The following CHSY1 variants were observed in gnomAD, a reference collection of about 807,000 sequenced individuals.
The protein encoded by CHSY1 is N-acetylgalactosaminyl-proteoglycan 3-beta-glucuronosyltransferase 1.
CHSY1 carries 13 observed loss-of-function variants against 59.8 expected under a neutral mutation model. That is an observed-to-expected ratio of 0.22 (90% CI 0.14 to 0.35). The LOEUF is 0.35. Ranked by LOEUF, CHSY1 falls within the 10% of genes least tolerant of loss-of-function variation. The probability of loss-of-function intolerance (pLI) is 1.00; values close to 1 mark genes in which losing one functional copy is unlikely to be tolerated. For missense variants in CHSY1, 947 were observed against 1,030.6 expected, an observed-to-expected ratio of 0.92 and a Z score of 1.11; for synonymous variants, 459 against 401.2, an observed-to-expected ratio of 1.14 and a Z score of -1.72.
At chr15:101,179,019 G>A (rs1469525673) in intron 2 of CHSY1, 39 bp from the exon 3 acceptor site, 3 of 1,581,758 alleles carry the variant, frequency 1.9e-6, no homozygotes, top group Non-Finnish European at 2.6e-6. Flanking sequence ...ATTTAGTATT[G>A]TATGATTGAG....
intron 1 of CHSY1, among the ~76,000 whole-genome samples, chr15:101,240,264 G>C (rs112043416): frequency 6.6e-6 from 1 of 152,162 alleles, no homozygotes; most frequent in Non-Finnish European, 1.5e-5. Flanking sequence ...CATAAATCGT[G>C]ATTCACCACC....
chr15:101,183,114 A>C (rs984803696), intron 2 of CHSY1, among the ~76,000 whole-genome samples: 5 of 152,180 alleles, frequency 3.3e-5, no homozygotes, highest in Non-Finnish European at 7.3e-5. Context: ...TTTGAAGATA[A>C]AACTGAAGAA....
intron 2 of CHSY1, among the ~76,000 whole-genome samples, chr15:101,208,307 A>G (rs2038647918): frequency 6.6e-6 from 1 of 152,164 alleles, no homozygotes; most frequent in Non-Finnish European, 1.5e-5. Flanking sequence ...AAAGAACCAG[A>G]GACTCTTCGA....
At position 101,177,595 on chromosome 15, in the gene CHSY1, C is replaced by T. The variant is rs145704934; in HGVS notation, c.2202G>A (p.Thr734=). The change falls in exon 3 of 3, where the codon ACG becomes ACA. Residue 734 remains threonine (T), a synonymous_variant. Coordinates refer to ENST00000254190, the MANE Select transcript of CHSY1 (RefSeq NM_014918.5). ...FNKVVQAGLK[T]FRSQEVGVVH... is the part of the protein sequence containing the mutation. ...CTACTCCTACTTCCTGGCTCCTAAA[C>T]GTCTTCAAACCTGCCTGGACAACCT... 1.2e-4 allele frequency: 196 copies of T among 1,614,192 alleles called. No homozygotes were observed. The African/African-American group carries it at 2.3e-3, about 19-fold the overall frequency.
At chr15:101,249,186 T>G (rs1392026481) in intron 1 of CHSY1, among the ~76,000 whole-genome samples, 1 of 151,962 alleles carries the variant, frequency 6.6e-6, no homozygotes, top group African/African-American at 2.4e-5. Context: ...GAAAATGTAT[T>G]TGGTTCAGGG....
intron 2 of CHSY1, among the ~76,000 whole-genome samples, chr15:101,190,446 C>G (rs1184977460): frequency 6.6e-6 from 1 of 152,104 alleles, no homozygotes; most frequent in Non-Finnish European, 1.5e-5. Context: ...GAAGATGAAA[C>G]GAGACACAGA....
intron 2 of CHSY1, among the ~76,000 whole-genome samples, chr15:101,216,355 C>T (rs950643616): frequency 6.6e-6 from 1 of 152,222 alleles, no homozygotes; most frequent in African/African-American, 2.4e-5. Context: ...CAAAGCTAAA[C>T]ATAGTCTTAT....
At position 101,177,646 on chromosome 15, in the gene CHSY1, C is replaced by A; in HGVS notation, c.2151G>T (p.Gly717=). ...GGFDVSIQGW[G]LEDVDLFNKV... is the part of the protein sequence containing the mutation. Reference sequence around the variant, plus strand: ...TGTTGAAAAGGTCCACATCCTCCAGCCCCCAGCCTTGGATGGAAACATCAA... The same window carrying A: ...TGTTGAAAAGGTCCACATCCTCCAGACCCCAGCCTTGGATGGAAACATCAA... The change falls in exon 3 of 3, where the codon GGG becomes GGT. Residue 717 remains glycine, a synonymous_variant. Transcript: ENST00000254190. The A allele has an allele frequency of 6.2e-7, 1 of 1,614,176 alleles. No homozygotes were observed. Among genetic ancestry groups the A allele is most frequent in the Non-Finnish European group, 8.5e-7 (1 of 1,180,030 alleles).
chr15:101,234,960 A>G, intron 2 of CHSY1, 122 bp downstream of exon 2: 1 of 1,293,940 alleles, frequency 7.7e-7, no homozygotes, highest in Non-Finnish European at 1.1e-6. Flanking sequence ...CTAAAAATGT[A>G]GAATAATACC....
intron 1 of CHSY1, among the ~76,000 whole-genome samples, chr15:101,248,996 G>A (rs1276247952): frequency 6.7e-6 from 1 of 149,290 alleles, no homozygotes; most frequent in Non-Finnish European, 1.5e-5. Context: ...GTAGAGATGG[G>A]GTTTCACCGT....
At chr15:101,179,476 A>T (rs910099647) in intron 2 of CHSY1, among the ~76,000 whole-genome samples, 7 of 152,208 alleles carry the variant, frequency 4.6e-5, no homozygotes, top group African/African-American at 1.7e-4. Flanking sequence ...CAGGGAGCTA[A>T]GGGAAGGGAA....
chr15:101,178,896 T>C lies in CHSY1; in HGVS notation c.901A>G (p.Ile301Val). The change falls in exon 3 of 3, where the codon ATC (isoleucine) becomes GTC (valine). Residue 301 changes from isoleucine to valine, a missense_variant. Ile to Val is a conservative substitution (Grantham distance 29, BLOSUM62 3). This residue lies in a region of CHSY1 where 602 missense variants were observed against 676.9 expected (regional missense o/e 0.89). Coordinates refer to ENST00000254190, the MANE Select transcript of CHSY1 (RefSeq NM_014918.5). ...GGGTTTTTGTTGGGGTGTAATGTGA[T>C]AGCTTGGTGAATTTTACTGTTATGG... ...DLHNSKIHQA[I>V]TLHPNKNPPY... is the part of the protein sequence containing the mutation. The C allele has an allele frequency of 1.9e-6, 3 of 1,614,184 alleles. No homozygotes were observed. The highest frequency in any genetic ancestry group is 2.2e-5 in the East Asian group (1 of 44,874).
At chr15:101,235,810 CTAAG>C (rs1277934741) in intron 1 of CHSY1, among the ~76,000 whole-genome samples, 1 of 152,082 alleles carries the variant, frequency 6.6e-6, no homozygotes, top group Non-Finnish European at 1.5e-5. Context: ...TCTGGGATAA[CTAAG>C]TTTTAGTTAT....
chr15:101,250,502 T>C (rs1428787818), intron 1 of CHSY1, among the ~76,000 whole-genome samples: 1 of 152,210 alleles, frequency 6.6e-6, no homozygotes, highest in Non-Finnish European at 1.5e-5. Context: ...ACCACCAAGC[T>C]GAACTAATTA....
At position 101,246,561 on chromosome 15, in the gene CHSY1, C is replaced by T. The variant is rs942105882; in HGVS notation, c.320+4576G>A. ...GCACAAGAACAGACAGAAAGTTCAA[C>T]GGAACAAAACATGAAGTCCAGAAAC... On this transcript the variant is annotated intron_variant, in intron 1 of 2. Transcript: ENST00000254190. Among the ~76,000 whole-genome samples, 4 of 152,126 alleles carry T rather than the reference C, an allele frequency of 2.6e-5. No individual in the cohort carries two copies. The East Asian group carries it at 5.8e-4, about 22-fold the overall frequency.
chr15:101,186,831 AAC>A (rs1345002949), intron 2 of CHSY1: 3 of 8,050 alleles, frequency 3.7e-4, no homozygotes, highest in Non-Finnish European at 1.4e-3. Context: ...CAAAAACAAA[AAC>A]AAAAACAGAC....
intron 2 of CHSY1, chr15:101,188,119 C>G (rs2038394144): frequency 1.0e-6 from 1 of 985,306 alleles, no homozygotes; most frequent in South Asian, 4.7e-5. Flanking sequence ...ACGGTTCAGC[C>G]TCAGCTACAG....
intron 2 of CHSY1, among the ~76,000 whole-genome samples, chr15:101,228,065 C>T (rs547223803): frequency 2.5e-4 from 38 of 151,236 alleles, no homozygotes; most frequent in Admixed American, 2.0e-3. Context: ...GCAGCCAATA[C>T]GGCGACAGAA....
chr15:101,187,303 AC>A (rs1019084976), intron 2 of CHSY1, among the ~76,000 whole-genome samples: 15 of 152,262 alleles, frequency 9.9e-5, no homozygotes, highest in African/African-American at 3.6e-4. Flanking sequence ...ATGTGGTGAA[AC>A]ACTGTTTCTA....
Sources: gnomAD v4.1 joint callset for allele counts (sites outside exome capture counted in the v4.1 genomes callset) on GRCh38, gnomAD v4.1.1 for gene constraint, gnomAD v4.1.1 regional missense constraint, MANE v1.5 for transcripts, NCBI Gene and HGNC (gene_info 2026-07-23, HGNC 2026-07-21) for gene names.